Variants in NRXN3 observed in about 807,000 individuals in gnomAD.
NRXN3 encodes the protein neurexin 3.
In NRXN3, 32 loss-of-function variants were observed where a neutral mutation model predicts 137.6. The observed-to-expected ratio is 0.23, with a 90% CI of 0.18 to 0.31. The LOEUF (loss-of-function observed/expected upper bound fraction) is 0.31. Among genes scored for constraint, NRXN3 ranks in the 10% least tolerant of loss-of-function variants. NRXN3 has a pLI of 1.00. For missense variants in NRXN3, 1,574 were observed against 2,062.5 expected (o/e 0.76, Z 4.59); for synonymous variants, 798 against 784.5 (o/e 1.02, Z -0.29).
intron 15 of NRXN3, among the ~76,000 whole-genome samples, chr14:79,036,630 G>T (rs2099616558): frequency 1.7e-5 from 2 of 115,428 alleles, no homozygotes; most frequent in African/African-American, 3.1e-5. Flanking sequence ...TTTTTTTAAG[G>T]AAGTTACAAC....
chr14:78,855,998 C>T (rs2099056095), intron 10 of NRXN3, among the ~76,000 whole-genome samples: 1 of 152,166 alleles, frequency 6.6e-6, no homozygotes, highest in Non-Finnish European at 1.5e-5. Context: ...CTTTCTGGGT[C>T]TTCTTTCCTC....
chr14:78,334,791 C>T (rs1275179575), intron 4 of NRXN3, among the ~76,000 whole-genome samples: 1 of 151,898 alleles, frequency 6.6e-6, no homozygotes, highest in African/African-American at 2.4e-5. Context: ...TTTCTTTGTC[C>T]CTGTTGGAGT....
rs143182887 is a variant in NRXN3, at chr14:78,610,035, G to GGAGA, written c.758-35069_758-35066dup. 1.5e-4 allele frequency among the ~76,000 whole-genome samples: 22 copies of GGAGA among 148,486 alleles called. No homozygotes were observed. The East Asian group carries it at 1.8e-3, about 12-fold the overall frequency. On this transcript the variant is annotated intron_variant, in intron 4 of 20. Coordinates refer to ENST00000335750, the MANE Select transcript of NRXN3 (RefSeq NM_001330195.2). The stretch of plus-strand genomic sequence containing the variant: ...AGAAGGAGAGGGAGGAGAGAGGGAG[G>GGAGA]GAGAGAGAGAGAGAGAGAGGAGAGA...
At chr14:79,165,448 T>C (rs979451635) in intron 15 of NRXN3, among the ~76,000 whole-genome samples, 5 of 151,994 alleles carry the variant, frequency 3.3e-5, no homozygotes, top group Non-Finnish European at 5.9e-5. Flanking sequence ...TAAAGTTTCA[T>C]TTTGTCTTAA....
chr14:79,318,725 T>C (rs891892445), intron 15 of NRXN3, among the ~76,000 whole-genome samples: 1 of 152,186 alleles, frequency 6.6e-6, no homozygotes, highest in Admixed American at 6.5e-5. Context: ...GGAACATTCT[T>C]TGGGGTCAGT....
intron 16 of NRXN3, among the ~76,000 whole-genome samples, chr14:79,514,866 A>G (rs2096967154): frequency 7.1e-6 from 1 of 141,446 alleles, no homozygotes; most frequent in Non-Finnish European, 1.5e-5. Flanking sequence ...AAGTGTTGGA[A>G]TGATGCGTTT....
intron 6 of NRXN3, among the ~76,000 whole-genome samples, chr14:78,658,312 G>T (rs927754732): frequency 7.2e-5 from 11 of 152,172 alleles, no homozygotes; most frequent in African/African-American, 2.6e-4. Context: ...TCTGAGCCTC[G>T]GTTTCTTCAT....
chr14:78,792,236 A>T (rs1301920827), intron 8 of NRXN3, among the ~76,000 whole-genome samples: 14 of 132,126 alleles, frequency 1.1e-4, no homozygotes, highest in African/African-American at 3.6e-4. Context: ...TGAAAGGAAA[A>T]GGGAGATTGT....
At chr14:79,133,195 G>A (rs1356605519) in intron 15 of NRXN3, among the ~76,000 whole-genome samples, 1 of 152,182 alleles carries the variant, frequency 6.6e-6, no homozygotes, top group Non-Finnish European at 1.5e-5. Flanking sequence ...GTCTTTTTCA[G>A]TTTTTAATCA....
At chr14:79,422,182 C>T (rs960654674) in intron 15 of NRXN3, among the ~76,000 whole-genome samples, 7 of 151,898 alleles carry the variant, frequency 4.6e-5, no homozygotes, top group African/African-American at 9.7e-5. Context: ...CCTCAGCCTC[C>T]CAAGTAGCTG....
chr14:79,738,966 A>G (rs542205863), intron 19 of NRXN3, among the ~76,000 whole-genome samples: 2 of 152,348 alleles, frequency 1.3e-5, no homozygotes, highest in South Asian at 4.1e-4. Context: ...GCCAAAGTAC[A>G]TAAAGTGGAA....
chr14:78,688,442 G>A (rs934648466), intron 6 of NRXN3, among the ~76,000 whole-genome samples: 1 of 152,146 alleles, frequency 6.6e-6, no homozygotes, highest in Admixed American at 6.5e-5. Context: ...TTAATTATTG[G>A]ATCTGGCAAG....
chr14:79,709,857 C>CATT (rs1222656374), intron 19 of NRXN3, among the ~76,000 whole-genome samples: 1 of 152,014 alleles, frequency 6.6e-6, no homozygotes, highest in Non-Finnish European at 1.5e-5. Context: ...GGCCATTTCT[C>CATT]ATTATTATTA....
intron 15 of NRXN3, chr14:79,279,819 G>T (rs2080956312): frequency 2.0e-6 from 2 of 992,998 alleles, no homozygotes; most frequent in African/African-American, 3.5e-5. Context: ...AAATAAAAAT[G>T]TTCAAACTCC....
chr14:79,118,295 G>A (rs1339296480), intron 15 of NRXN3, among the ~76,000 whole-genome samples: 1 of 152,174 alleles, frequency 6.6e-6, no homozygotes, highest in Non-Finnish European at 1.5e-5. Context: ...AAAAACAAGG[G>A]ACATCAAATA....
chr14:78,366,985 C>T (rs1474583563), intron 4 of NRXN3, among the ~76,000 whole-genome samples: 2 of 152,174 alleles, frequency 1.3e-5, no homozygotes, highest in African/African-American at 4.8e-5. Flanking sequence ...CTTCAGAGGC[C>T]TTTAGTGAAG....
At chr14:78,762,319 T>C (rs2098695073) in intron 8 of NRXN3, among the ~76,000 whole-genome samples, 1 of 152,196 alleles carries the variant, frequency 6.6e-6, no homozygotes, top group Non-Finnish European at 1.5e-5. Flanking sequence ...ATTTTGTAGA[T>C]TCCAAAAGCA....
At chr14:79,840,758 A>C (rs1008475354) in intron 20 of NRXN3, among the ~76,000 whole-genome samples, 2 of 152,230 alleles carry the variant, frequency 1.3e-5, no homozygotes, top group Non-Finnish European at 2.9e-5. Context: ...GCAGAGACTA[A>C]GTTTTTAATA....
chr14:78,528,115 T>C (rs1439383979), intron 4 of NRXN3, among the ~76,000 whole-genome samples: 1 of 152,240 alleles, frequency 6.6e-6, no homozygotes, highest in African/African-American at 2.4e-5. Context: ...ACAGATTATC[T>C]TTTTCAAATT....
Sources: gnomAD v4.1 joint callset for allele counts (sites outside exome capture counted in the v4.1 genomes callset) on GRCh38, gnomAD v4.1.1 for gene constraint, MANE v1.5 for transcripts, NCBI Gene and HGNC (gene_info 2026-07-23, HGNC 2026-07-21) for gene names.